Variants in NRXN3 observed in about 807,000 individuals in gnomAD.
NRXN3 encodes the protein neurexin III.
NRXN3 carries 32 observed loss-of-function variants against 137.6 expected under a neutral mutation model. The observed-to-expected ratio is 0.23, with a 90% CI of 0.18 to 0.31. The LOEUF is 0.31. Among genes scored for constraint, NRXN3 ranks in the 10% least tolerant of loss-of-function variants. The pLI, the probability that NRXN3 is intolerant of heterozygous loss-of-function variation, is 1.00. For missense variants in NRXN3, 1,574 were observed against 2,062.5 expected, an observed-to-expected ratio of 0.76 and a Z score of 4.59; for synonymous variants, 798 against 784.5, an observed-to-expected ratio of 1.02 and a Z score of -0.29.
At chr14:79,071,494 C>T (rs1459912743) in intron 15 of NRXN3, among the ~76,000 whole-genome samples, 2 of 152,156 alleles carry the variant, frequency 1.3e-5, no homozygotes, top group East Asian at 3.8e-4. Flanking sequence ...ACCCTTTTGT[C>T]ATGTATCTTC....
At chr14:78,186,344 G>T (rs193071906) in intron 1 of NRXN3, among the ~76,000 whole-genome samples, 58 of 152,378 alleles carry the variant, frequency 3.8e-4, no homozygotes, top group Admixed American at 1.2e-3. Context: ...AGGCCTTGTG[G>T]CTTCCCAGGC....
chr14:78,525,601 C>T (rs1162998228), intron 4 of NRXN3, among the ~76,000 whole-genome samples: 1 of 152,140 alleles, frequency 6.6e-6, no homozygotes, highest in Non-Finnish European at 1.5e-5. Context: ...TACTAAAGTC[C>T]CTCAGCTGGA....
intron 15 of NRXN3, among the ~76,000 whole-genome samples, chr14:79,317,284 A>G (rs2089000880): frequency 6.6e-6 from 1 of 152,142 alleles, no homozygotes; most frequent in Non-Finnish European, 1.5e-5. Context: ...GGAGGCTCTC[A>G]GGGAGGATCC....
chr14:78,881,245 T>C (rs1388461192), intron 10 of NRXN3, among the ~76,000 whole-genome samples: 2 of 151,526 alleles, frequency 1.3e-5, no homozygotes, highest in Admixed American at 6.6e-5. Context: ...ACTAATACAG[T>C]AAATTGGCAC....
At chr14:79,290,637 G>T (rs1300945690) in intron 15 of NRXN3, among the ~76,000 whole-genome samples, 1 of 148,664 alleles carries the variant, frequency 6.7e-6, no homozygotes, top group Non-Finnish European at 1.5e-5. Flanking sequence ...AGATTCCCCA[G>T]GCTGGGTTTT....
chr14:78,881,085 C>A (rs1244623066), intron 10 of NRXN3, among the ~76,000 whole-genome samples: 1 of 151,590 alleles, frequency 6.6e-6, no homozygotes, highest in Non-Finnish European at 1.5e-5. Context: ...TTCCTGCTGT[C>A]ATGTGAAGAA....
At chr14:78,488,448 A>G (rs2095604459) in intron 4 of NRXN3, among the ~76,000 whole-genome samples, 1 of 152,228 alleles carries the variant, frequency 6.6e-6, no homozygotes, top group East Asian at 1.9e-4. Flanking sequence ...GCATTTAGGT[A>G]TAGTCGTAAC....
At chr14:79,264,522 A>ATGTGTGTGTG (rs34099529) in intron 15 of NRXN3, among the ~76,000 whole-genome samples, 78 of 145,294 alleles carry the variant, frequency 5.4e-4, no homozygotes, top group African/African-American at 1.9e-3. Flanking sequence ...TGTTTACATG[A>ATGTGTGTGTG]TGTGTGTGTG....
chr14:79,516,975 G>T (rs1459748635), intron 16 of NRXN3, among the ~76,000 whole-genome samples: 1 of 152,038 alleles, frequency 6.6e-6, no homozygotes, highest in African/African-American at 2.4e-5. Context: ...ATGTTTGAGA[G>T]TATGTGTTGA....
At chr14:78,971,328 G>A (rs977657339) in intron 14 of NRXN3, among the ~76,000 whole-genome samples, 4 of 151,952 alleles carry the variant, frequency 2.6e-5, no homozygotes, top group African/African-American at 7.2e-5. Flanking sequence ...ACATAGAACA[G>A]TAAACAAGTA....
chr14:78,704,995 T>C (rs1222531326), intron 6 of NRXN3, among the ~76,000 whole-genome samples: 1 of 152,188 alleles, frequency 6.6e-6, no homozygotes, highest in Non-Finnish European at 1.5e-5. Context: ...CCTCAGCTGT[T>C]TTACTGTCTG....
At chr14:79,020,512 G>C (rs2099587817) in intron 15 of NRXN3, among the ~76,000 whole-genome samples, 1 of 150,120 alleles carries the variant, frequency 6.7e-6, no homozygotes, top group Non-Finnish European at 1.5e-5. Flanking sequence ...TGATCCACCT[G>C]CCTCTGCCTC....
rs567229770 is a variant in NRXN3 at position 78,407,970 on chromosome 14, C to T, written c.757+110110C>T. On this transcript the variant is annotated intron_variant, in intron 4 of 20. Transcript: ENST00000335750. ...TGAGATAATAACACAAGTGAAATGA[C>T]GTGAAACAGGCCTGAGTTCTCAATC... 5.3e-5 allele frequency among the ~76,000 whole-genome samples: 8 copies of T among 152,228 alleles called. No homozygotes were observed. The South Asian group carries it at 6.2e-4, about 12-fold the overall frequency.
intron 16 of NRXN3, among the ~76,000 whole-genome samples, chr14:79,495,825 T>C (rs1221131741): frequency 6.6e-6 from 1 of 151,880 alleles, no homozygotes; most frequent in East Asian, 1.9e-4. Context: ...AATGATGGTG[T>C]TATTCCATTT....
chr14:79,856,721 T>C (rs536244401), intron 20 of NRXN3, among the ~76,000 whole-genome samples: 53 of 152,256 alleles, frequency 3.5e-4, no homozygotes, highest in African/African-American at 1.2e-3. Flanking sequence ...ACTGTCTTTT[T>C]TGATGGCAGT....
intron 4 of NRXN3, among the ~76,000 whole-genome samples, chr14:78,357,527 T>C (rs1382834947): frequency 6.6e-6 from 1 of 152,182 alleles, no homozygotes; most frequent in Admixed American, 6.5e-5. Flanking sequence ...TCCCTACTGG[T>C]GAATTTCTGG....
At chr14:78,931,472 G>A (rs1228739459) in intron 10 of NRXN3, among the ~76,000 whole-genome samples, 1 of 152,118 alleles carries the variant, frequency 6.6e-6, no homozygotes, top group Non-Finnish European at 1.5e-5. Context: ...CATTTAAAAA[G>A]TAGGTGACTT....
rs184461325 is a variant in NRXN3, at chr14:78,262,759, C to T, written c.710-15886C>T. 7.2e-5 allele frequency among the ~76,000 whole-genome samples: 11 copies of T among 152,286 alleles called. No homozygotes were observed. In the East Asian group the frequency reaches 2.1e-3, roughly 29 times the overall value. ...TGTTCCAGAACATCTAAAAGGTTCT[C>T]AACTTAGAGGAGTAGTGGAAAATCT... On this transcript the variant is annotated intron_variant, in intron 2 of 20. Transcript: ENST00000335750.
At chr14:78,657,011 C>A (rs556864899) in intron 6 of NRXN3, among the ~76,000 whole-genome samples, 1 of 131,016 alleles carries the variant, frequency 7.6e-6, no homozygotes, top group Non-Finnish European at 1.5e-5. Context: ...CGCACCACTG[C>A]ACTCCAGCCT....
Sources: gnomAD v4.1 joint callset for allele counts (sites outside exome capture counted in the v4.1 genomes callset) on GRCh38, gnomAD v4.1.1 for gene constraint, MANE v1.5 for transcripts, NCBI Gene and HGNC (gene_info 2026-07-23, HGNC 2026-07-21) for gene names.